Variants in RNLS observed in about 807,000 individuals in gnomAD.
The protein encoded by RNLS is renalase.
In RNLS, 39 loss-of-function variants were observed where a neutral mutation model predicts 39.8. That is an observed-to-expected ratio of 0.98 (90% CI 0.76 to 1.28). RNLS has a LOEUF of 1.28. Among genes scored for constraint, RNLS ranks in the 50% most tolerant of loss-of-function variants. The pLI, the probability that RNLS is intolerant of heterozygous loss-of-function variation, is 0.00. For missense variants in RNLS, 410 were observed against 413.3 expected (o/e 0.99, Z 0.07); for synonymous variants, 147 against 150.7 (o/e 0.98, Z 0.18).
chr10:88,573,139 G>C, intron 3 of RNLS, 78 bp from the exon 4 acceptor site: 1 of 1,401,894 alleles, frequency 7.1e-7, no homozygotes. Flanking sequence ...GTCACAAACT[G>C]AATCCATTCA....
the RNLS span, among the ~76,000 whole-genome samples, chr10:88,205,203 C>T: frequency 6.6e-6 from 1 of 152,128 alleles, no homozygotes; most frequent in African/African-American, 2.4e-5. Context: ...GTCATGCTCT[C>T]CTTGCTAGAC....
intron 5 of RNLS, among the ~76,000 whole-genome samples, chr10:88,337,038 A>T (rs758737050): frequency 6.6e-6 from 1 of 152,146 alleles, no homozygotes; most frequent in South Asian, 2.1e-4. Flanking sequence ...GGCCTGAGAG[A>T]TGGGGCAGAG....
At chr10:88,205,503 C>G in the RNLS span, among the ~76,000 whole-genome samples, 24 of 152,200 alleles carry the variant, frequency 1.6e-4, 1 homozygote, top group South Asian at 5.0e-3. Context: ...AGATTTGAAA[C>G]CTGTCCTACC....
intron 5 of RNLS, 121 bp downstream of exon 5, chr10:88,362,431 C>T: frequency 2.4e-6 from 2 of 843,502 alleles, no homozygotes; most frequent in Non-Finnish European, 1.7e-6. Flanking sequence ...AATTTTATCC[C>T]CTGTGGCTTG....
At chr10:88,312,509 C>G (rs189875785) in intron 6 of RNLS, among the ~76,000 whole-genome samples, 1 of 152,126 alleles carries the variant, frequency 6.6e-6, no homozygotes, top group East Asian at 1.9e-4. Context: ...TTTGTTACAA[C>G]AACAATAGGA....
At chr10:88,334,240 T>C (rs539013750) in intron 5 of RNLS, among the ~76,000 whole-genome samples, 52 of 152,344 alleles carry the variant, frequency 3.4e-4, no homozygotes, top group African/African-American at 1.3e-3. Context: ...TGGGTAATGT[T>C]TGCTAATCTG....
intron 4 of RNLS, among the ~76,000 whole-genome samples, chr10:88,376,690 A>G (rs1390661491): frequency 6.6e-6 from 1 of 152,094 alleles, no homozygotes; most frequent in Non-Finnish European, 1.5e-5. Context: ...GATTACACTC[A>G]CATATTAGTA....
At chr10:88,255,621 A>G in the RNLS span, among the ~76,000 whole-genome samples, 1 of 152,252 alleles carries the variant, frequency 6.6e-6, no homozygotes, top group Non-Finnish European at 1.5e-5. Flanking sequence ...CAAATGCACA[A>G]GTTTTCGTCT....
chr10:88,233,072 A>G, the RNLS span, among the ~76,000 whole-genome samples: 324 of 152,314 alleles, frequency 2.1e-3, 3 homozygotes, highest in African/African-American at 7.4e-3. Context: ...GAAGAACTGG[A>G]GTTCCAAATC....
chr10:88,424,377 C>T (rs1303694855), intron 4 of RNLS, among the ~76,000 whole-genome samples: 1 of 152,042 alleles, frequency 6.6e-6, no homozygotes, highest in African/African-American at 2.4e-5. Flanking sequence ...GGAAATAATC[C>T]AGGAATGGTA....
chr10:88,252,904 C>T, the RNLS span, among the ~76,000 whole-genome samples: 1 of 152,202 alleles, frequency 6.6e-6, no homozygotes, highest in African/African-American at 2.4e-5. Context: ...TCTGGATAAA[C>T]ACTGCTGAGT....
chr10:88,233,736 G>A, the RNLS span, among the ~76,000 whole-genome samples: 2 of 152,084 alleles, frequency 1.3e-5, no homozygotes, highest in Non-Finnish European at 2.9e-5. Context: ...CCTCTGTCTT[G>A]CTGCCCAACC....
chr10:88,515,124 C>T (rs1023336042), intron 4 of RNLS, among the ~76,000 whole-genome samples: 1 of 152,008 alleles, frequency 6.6e-6, no homozygotes, highest in African/African-American at 2.4e-5. Context: ...CCTTTTCACA[C>T]TGATTCATAG....
intron 4 of RNLS, among the ~76,000 whole-genome samples, chr10:88,491,945 A>G (rs1844904593): frequency 6.6e-6 from 1 of 151,908 alleles, no homozygotes; most frequent in Non-Finnish European, 1.5e-5. Context: ...TATTAGGGAG[A>G]AAAAGAGTTT....
At chr10:88,438,518 T>C (rs1024320943) in intron 4 of RNLS, among the ~76,000 whole-genome samples, 2 of 152,212 alleles carry the variant, frequency 1.3e-5, no homozygotes, top group Non-Finnish European at 1.5e-5. Context: ...ATGCCAGCTT[T>C]TAGGAATTTG....
chr10:88,269,724 C>G (rs550011653), downstream of RNLS, among the ~76,000 whole-genome samples: 167 of 152,340 alleles, frequency 1.1e-3, no homozygotes, highest in Non-Finnish European at 2.1e-3. Context: ...TAGAGGAATA[C>G]AATGTGTTCC....
intron 6 of RNLS, among the ~76,000 whole-genome samples, chr10:88,286,610 G>C: frequency 6.6e-6 from 1 of 151,920 alleles, no homozygotes; most frequent in East Asian, 1.9e-4. Flanking sequence ...TCACCTGGAT[G>C]ACAATATGAC....
intron 4 of RNLS, among the ~76,000 whole-genome samples, chr10:88,493,852 T>A (rs1845017329): frequency 6.6e-6 from 1 of 152,192 alleles, no homozygotes. Flanking sequence ...TTTCTACCAC[T>A]GCTGACGACT....
In RNLS at chr10:88,358,109, C is replaced by T. The variant is rs577670522; in HGVS notation, c.700+4443G>A. Among the ~76,000 whole-genome samples, 18 of 152,218 alleles carry T rather than the reference C, an allele frequency of 1.2e-4. No homozygotes were observed. The South Asian group carries it at 3.7e-3, about 32-fold the overall frequency. ...TAGGTCTTGTGAGTCCAAATACTTC[C>T]CACTACGCCAATCTTACTAATTTTA... On this transcript the variant is annotated intron_variant, in intron 5 of 6. Transcript: ENST00000331772.
Sources: gnomAD v4.1 joint callset for allele counts (sites outside exome capture counted in the v4.1 genomes callset) on GRCh38, gnomAD v4.1.1 for gene constraint, MANE v1.5 for transcripts, NCBI Gene and HGNC (gene_info 2026-07-23, HGNC 2026-07-21) for gene names.